Variants in DDX10 observed in about 807,000 individuals in gnomAD.
DDX10 encodes DEAD-box helicase 10.
A neutral mutation model predicts 104.3 loss-of-function variants in DDX10; 74 were observed. That is an observed-to-expected ratio of 0.71 (90% confidence interval 0.59 to 0.86). The LOEUF (loss-of-function observed/expected upper bound fraction) is 0.86, where lower values mean the gene tolerates loss of function less well. Ranked by LOEUF, DDX10 falls within the 40% of genes least tolerant of loss-of-function variation. DDX10 has a pLI of 0.00. For missense variants in DDX10, 952 were observed against 1,040.0 expected (o/e 0.92, Z 1.16); for synonymous variants, 351 against 353.4 (o/e 0.99, Z 0.08).
intron 16 of DDX10, among the ~76,000 whole-genome samples, chr11:108,864,415 A>G (rs1281003210): frequency 1.3e-5 from 2 of 151,280 alleles, no homozygotes; most frequent in African/African-American, 2.4e-5. Flanking sequence ...ATATAGAATA[A>G]ACTTTATATA....
At chr11:108,671,562 TTTTTCTG>T (rs1449140284) in intron 1 of DDX10, among the ~76,000 whole-genome samples, 1 of 152,214 alleles carries the variant, frequency 6.6e-6, no homozygotes, top group African/African-American at 2.4e-5. Context: ...CAGCAAACTC[TTTTTCTG>T]TAAAGGGCTG....
intron 17 of DDX10, among the ~76,000 whole-genome samples, chr11:108,934,250 C>T (rs1303133285): frequency 6.6e-6 from 1 of 152,138 alleles, no homozygotes; most frequent in Non-Finnish European, 1.5e-5. Flanking sequence ...GAAGGTAGCT[C>T]AAGGATGACT....
At position 108,723,257 on chromosome 11, in the gene DDX10, A is replaced by G. The variant is rs370757932; in HGVS notation, c.1760A>G (p.Asp587Gly). 3.7e-6 allele frequency: 6 copies of G among 1,613,368 alleles called. No homozygotes were observed. Among genetic ancestry groups the G allele is most frequent in the Admixed American group, 3.3e-5 (2 of 59,876 alleles). Residue 587 changes from aspartate to glycine, a missense_variant, in exon 13 of 18, where the codon GAC becomes GGC. Physicochemically the swap from Asp to Gly is moderately conservative, Grantham distance 94. This residue lies in a region of DDX10 where 533 missense variants were observed against 534.1 expected (regional missense o/e 1.00). Coordinates refer to ENST00000322536, the MANE Select transcript of DDX10 (RefSeq NM_004398.4). ...TGNEEQEEEE[D>G]DEEEMEEKLA... ...AATGAAGAACAGGAAGAAGAAGAAG[A>G]CGATGAAGAAGAAATGGAAGAGAAA... is the stretch of plus-strand genomic sequence containing the variant.
chr11:108,762,154 T>G (rs533774132), intron 13 of DDX10, among the ~76,000 whole-genome samples: 2 of 152,290 alleles, frequency 1.3e-5, no homozygotes, highest in South Asian at 4.1e-4. Flanking sequence ...GTATTTTTAT[T>G]CTTTATGGTT....
intron 17 of DDX10, among the ~76,000 whole-genome samples, chr11:108,938,904 G>A (rs533356080): frequency 1.3e-5 from 2 of 152,276 alleles, no homozygotes; most frequent in East Asian, 3.9e-4. Flanking sequence ...CCAGGCCGTT[G>A]GAAGTTGAGC....
chr11:108,913,126 G>A (rs1565316919), intron 16 of DDX10, among the ~76,000 whole-genome samples: 1 of 152,166 alleles, frequency 6.6e-6, no homozygotes, highest in Non-Finnish European at 1.5e-5. Context: ...CAAGGTTAAA[G>A]GACACACCCA....
At chr11:108,937,801 G>A (rs1405286750) in intron 17 of DDX10, among the ~76,000 whole-genome samples, 1 of 152,148 alleles carries the variant, frequency 6.6e-6, no homozygotes, top group African/African-American at 2.4e-5. Context: ...TATAGTAGTA[G>A]TAGGCCTTTT....
intron 1 of DDX10, among the ~76,000 whole-genome samples, chr11:108,668,769 G>C (rs906140917): frequency 2.6e-5 from 4 of 152,094 alleles, no homozygotes; most frequent in African/African-American, 7.2e-5. Flanking sequence ...GCATGTAGGG[G>C]TTGATACAGT....
chr11:108,905,326 T>TGGGGG (rs1863581067), intron 16 of DDX10, among the ~76,000 whole-genome samples: 1 of 141,684 alleles, frequency 7.1e-6, no homozygotes, highest in Non-Finnish European at 1.5e-5. Context: ...GGGGGGGGGT[T>TGGGGG]GAAATCCTGT....
chr11:108,931,482 A>C (rs1863974662), intron 17 of DDX10, among the ~76,000 whole-genome samples: 1 of 152,206 alleles, frequency 6.6e-6, no homozygotes, highest in South Asian at 2.1e-4. Flanking sequence ...TGACATATTT[A>C]ATAACAGTGC....
At chr11:108,689,864 T>C (rs2094249736) in intron 7 of DDX10, among the ~76,000 whole-genome samples, 1 of 152,196 alleles carries the variant, frequency 6.6e-6, no homozygotes, top group African/African-American at 2.4e-5. Context: ...CTCTAGCTTA[T>C]GGGAAGTTAA....
intron 15 of DDX10, among the ~76,000 whole-genome samples, chr11:108,850,338 G>A (rs1862773723): frequency 6.6e-6 from 1 of 152,048 alleles, no homozygotes; most frequent in Admixed American, 6.6e-5. Flanking sequence ...GTAGAAAATT[G>A]TCCATTTTTT....
At chr11:108,779,804 A>G (rs2094375729) in intron 13 of DDX10, among the ~76,000 whole-genome samples, 1 of 152,218 alleles carries the variant, frequency 6.6e-6, no homozygotes, top group African/African-American at 2.4e-5. Flanking sequence ...GCTGCAAAAA[A>G]GTTGCAGAGA....
intron 10 of DDX10, among the ~76,000 whole-genome samples, chr11:108,713,318 A>G (rs1054488617): frequency 6.6e-6 from 1 of 152,034 alleles, no homozygotes; most frequent in Non-Finnish European, 1.5e-5. Context: ...AAAGAACATC[A>G]TGTGTATGTT....
At chr11:108,668,520 A>G (rs1591785686) in intron 1 of DDX10, among the ~76,000 whole-genome samples, 1 of 152,232 alleles carries the variant, frequency 6.6e-6, no homozygotes, top group African/African-American at 2.4e-5. Flanking sequence ...GAATAGCAGG[A>G]TTATCATTCT....
chr11:108,897,041 G>C (rs1655255709), intron 16 of DDX10, among the ~76,000 whole-genome samples: 1 of 151,924 alleles, frequency 6.6e-6, no homozygotes, highest in South Asian at 2.1e-4. Flanking sequence ...TTAGCTGAGA[G>C]AAACAGCTAA....
At chr11:108,723,715 A>G (rs1189240231) in intron 13 of DDX10, among the ~76,000 whole-genome samples, 2 of 152,192 alleles carry the variant, frequency 1.3e-5, no homozygotes, top group Non-Finnish European at 2.9e-5. Context: ...GCTGTGTTTT[A>G]AAAGTTGCCA....
chr11:108,797,015 G>T (rs1861950881), intron 13 of DDX10, among the ~76,000 whole-genome samples: 1 of 151,766 alleles, frequency 6.6e-6, no homozygotes, highest in African/African-American at 2.4e-5. Context: ...TGTTGTTGTT[G>T]TTCTTATTCT....
chr11:108,881,496 A>G (rs1364697522), intron 16 of DDX10, among the ~76,000 whole-genome samples: 1 of 152,210 alleles, frequency 6.6e-6, no homozygotes, highest in African/African-American at 2.4e-5. Context: ...TCCCAACTTA[A>G]AGATGGTTTG....
Sources: gnomAD v4.1 joint callset for allele counts (sites outside exome capture counted in the v4.1 genomes callset) on GRCh38, gnomAD v4.1.1 for gene constraint, gnomAD v4.1.1 regional missense constraint, MANE v1.5 for transcripts, NCBI Gene and HGNC (gene_info 2026-07-23, HGNC 2026-07-21) for gene names.